Variants in RAB3GAP2 observed in about 807,000 individuals in gnomAD.
The protein encoded by RAB3GAP2 is rab3 GTPase-activating protein non-catalytic subunit.
Under a neutral mutation model 185.3 loss-of-function variants are expected in RAB3GAP2, and 87 were observed. That is an observed-to-expected ratio of 0.47 (90% confidence interval 0.39 to 0.56). RAB3GAP2 has a LOEUF of 0.56. Among genes scored for constraint, RAB3GAP2 ranks in the 20% least tolerant of loss-of-function variants. The pLI, the probability that RAB3GAP2 is intolerant of heterozygous loss-of-function variation, is 0.00. For missense variants in RAB3GAP2, 1,492 were observed against 1,638.2 expected (o/e 0.91, Z 1.54); for synonymous variants, 554 against 576.1 (o/e 0.96, Z 0.55).
chr1:220,211,615 C>A (rs527365440), intron 4 of RAB3GAP2, among the ~76,000 whole-genome samples: 244 of 152,206 alleles, frequency 1.6e-3, no homozygotes, highest in Middle Eastern at 6.8e-3. Context: ...GACATGTAGA[C>A]TTGAAATATT....
intron 14 of RAB3GAP2, 142 bp downstream of exon 14, chr1:220,190,926 A>G (rs1658606266): frequency 1.2e-6 from 1 of 804,648 alleles, no homozygotes; most frequent in Non-Finnish European, 2.1e-6. Flanking sequence ...CATGCCAGGC[A>G]CTCACAGGAA....
At chr1:220,254,968 T>A (rs1346174003) in intron 1 of RAB3GAP2, among the ~76,000 whole-genome samples, 11 of 149,578 alleles carry the variant, frequency 7.4e-5, no homozygotes, top group South Asian at 2.1e-4. Context: ...TTTTTTTTTT[T>A]ATGGTGCTTA....
At chr1:220,154,821 A>T (rs1657827904) in intron 31 of RAB3GAP2, among the ~76,000 whole-genome samples, 1 of 151,390 alleles carries the variant, frequency 6.6e-6, no homozygotes, top group Non-Finnish European at 1.5e-5. Context: ...TCCTGGTTCA[A>T]GCGATTCTCC....
intron 21 of RAB3GAP2, among the ~76,000 whole-genome samples, chr1:220,173,115 T>C (rs1325244531): frequency 6.6e-6 from 1 of 152,170 alleles, no homozygotes; most frequent in Non-Finnish European, 1.5e-5. Flanking sequence ...GAGAGAGAGG[T>C]AGGATCTGTA....
intron 21 of RAB3GAP2, among the ~76,000 whole-genome samples, chr1:220,175,731 A>C (rs1457873597): frequency 6.6e-6 from 1 of 152,102 alleles, no homozygotes; most frequent in Non-Finnish European, 1.5e-5. Flanking sequence ...TCCTCTACCC[A>C]CCATCACTTG....
At chr1:220,235,595 T>C (rs1659576042) in intron 1 of RAB3GAP2, among the ~76,000 whole-genome samples, 2 of 152,224 alleles carry the variant, frequency 1.3e-5, no homozygotes, top group Non-Finnish European at 2.9e-5. Context: ...CTGTGCTAAG[T>C]GCTGGAAATA....
chr1:220,228,174 T>C (rs753162820), intron 2 of RAB3GAP2, among the ~76,000 whole-genome samples: 2 of 152,104 alleles, frequency 1.3e-5, no homozygotes, highest in Non-Finnish European at 2.9e-5. Flanking sequence ...TCAGAGGAGG[T>C]AGGTTTTGAG....
chr1:220,157,343 A>G lies in RAB3GAP2; in HGVS notation c.3482T>C (p.Leu1161Pro). ...HYPLVEHHSI[L>P]CSILYAVMRF... The stretch of plus-strand genomic sequence containing the variant: ...CATGACTGCATACAAGATGGAGCAC[A>G]GGATGGAGTGGTGCTCCACCAGTGG... Residue 1161 changes from leucine (L) to proline (P), a missense_variant, in exon 31 of 35, where the codon CTG becomes CCG. Around this residue, in one of 5 missense-constraint regions of RAB3GAP2, gnomAD observed 387 missense variants for 455.3 expected, o/e 0.85. Coordinates refer to ENST00000358951, the MANE Select transcript of RAB3GAP2 (RefSeq NM_012414.4). 6.2e-7 allele frequency: 1 copy of G among 1,614,016 alleles called. No homozygotes were observed. The highest frequency in any genetic ancestry group is 8.5e-7 in the Non-Finnish European group (1 of 1,179,962).
chr1:220,184,141 T>G lies in RAB3GAP2; in HGVS notation c.1893A>C (p.Gly631=), dbSNP rs371254594. ...GTTTATTGGCACAAAACTGTAGCAA[T>G]CCTTCATCAACAGACTCAAGTTCTA... ...KSQELESVDE[G]LLQFCANKLK... is the part of the protein sequence containing the mutation. Residue 631 remains glycine (G), a synonymous_variant, in exon 19 of 35, where the codon GGA becomes GGC. Coordinates refer to ENST00000358951, the MANE Select transcript of RAB3GAP2 (RefSeq NM_012414.4). 20 of 1,610,846 alleles carry G rather than the reference T, an allele frequency of 1.2e-5. No individual in the cohort carries two copies. The South Asian group carries it at 2.2e-4, about 18-fold the overall frequency.
At chr1:220,205,773 A>C in intron 8 of RAB3GAP2, 134 bp downstream of exon 8, 1 of 685,446 alleles carries the variant, frequency 1.5e-6, no homozygotes. Flanking sequence ...CTTTCTCTAC[A>C]GAAGGCAGGT....
In RAB3GAP2 at chr1:220,236,301, C is replaced by T. The variant is rs577898207; in HGVS notation, c.116-3438G>A. 2.2e-4 allele frequency among the ~76,000 whole-genome samples: 34 copies of T among 152,184 alleles called. No individual in the cohort carries two copies. In the East Asian group the frequency reaches 3.7e-3, roughly 16 times the overall value. ...AAGCGAGTCTCCTGCCTCAGCTTCC[C>T]GAATAGCTGGGATTACAGACATGTG... On this transcript the variant is annotated intron_variant, in intron 1 of 34. Transcript: ENST00000358951.
chr1:220,210,794 A>G lies in RAB3GAP2; in HGVS notation c.510+7T>C. ...AGTGTTTTCCAGCTGTTGAAAACTC[A>G]ACTCACCTCAGTGTAGAAGCGTACA... On this transcript the variant is annotated splice_region_variant and intron_variant, in intron 6 of 34. Coordinates refer to ENST00000358951, the MANE Select transcript of RAB3GAP2 (RefSeq NM_012414.4). 1 of 1,611,690 alleles carries G rather than the reference A, an allele frequency of 6.2e-7. No homozygotes were observed. Among genetic ancestry groups the G allele is most frequent in the African/African-American group, 1.3e-5 (1 of 74,872 alleles).
intron 1 of RAB3GAP2, among the ~76,000 whole-genome samples, chr1:220,263,454 TAA>T (rs1381772668): frequency 1.1e-4 from 17 of 152,132 alleles, no homozygotes; most frequent in Non-Finnish European, 2.5e-4. Context: ...TTAATCTATT[TAA>T]TTTTTGTATA....
intron 1 of RAB3GAP2, among the ~76,000 whole-genome samples, chr1:220,262,279 C>T (rs925939726): frequency 2.6e-5 from 4 of 151,868 alleles, no homozygotes; most frequent in South Asian, 2.1e-4. Flanking sequence ...CCAGCCTGGG[C>T]GACAGAGCAA....
intron 17 of RAB3GAP2, among the ~76,000 whole-genome samples, chr1:220,188,337 T>G (rs900816676): frequency 2.0e-5 from 3 of 152,006 alleles, no homozygotes; most frequent in African/African-American, 4.8e-5. Flanking sequence ...AATTAGAAAA[T>G]AAGTAGTCAT....
In RAB3GAP2 at chr1:220,191,162, G is replaced by T; in HGVS notation, c.1393C>A (p.Leu465Ile). 6.2e-7 allele frequency: 1 copy of T among 1,614,034 alleles called. No individual in the cohort carries two copies. The highest frequency in any genetic ancestry group is 8.5e-7 in the Non-Finnish European group (1 of 1,179,978). ...CCCCTTCTTGGCGCATAGATCACAA[G>T]GAATTGAGCTACTCGACTTGGACCC... ...SQGPSRVAQF[L>I]VIYAPRRGIL... The change falls in exon 14 of 35, where the codon CTT (leucine) becomes ATT (isoleucine). Residue 465 changes from leucine (L) to isoleucine (I), a missense_variant. Around this residue, in one of 5 missense-constraint regions of RAB3GAP2, gnomAD observed 681 missense variants for 689.1 expected, o/e 0.99. Coordinates refer to ENST00000358951, the MANE Select transcript of RAB3GAP2 (RefSeq NM_012414.4).
intron 24 of RAB3GAP2, among the ~76,000 whole-genome samples, chr1:220,168,745 G>A (rs1328528407): frequency 1.3e-5 from 2 of 152,128 alleles, no homozygotes; most frequent in Admixed American, 1.3e-4. Context: ...ATATTTATGG[G>A]CCTAATTTAG....
chr1:220,243,971 T>C (rs1188515146), intron 1 of RAB3GAP2, among the ~76,000 whole-genome samples: 1 of 152,186 alleles, frequency 6.6e-6, no homozygotes, highest in African/African-American at 2.4e-5. Context: ...TCATATTGAA[T>C]GGGAAAAGTT....
intron 7 of RAB3GAP2, chr1:220,208,405 C>T (rs1291278563): frequency 2.6e-5 from 4 of 152,122 alleles, no homozygotes; most frequent in South Asian, 2.1e-4. Flanking sequence ...TTTTATTTTC[C>T]TACACTCTTT....
Sources: gnomAD v4.1 joint callset for allele counts (sites outside exome capture counted in the v4.1 genomes callset) on GRCh38, gnomAD v4.1.1 for gene constraint, gnomAD v4.1.1 regional missense constraint, MANE v1.5 for transcripts, NCBI Gene and HGNC (gene_info 2026-07-23, HGNC 2026-07-21) for gene names.